ANKRD17: variants seen among roughly 807,000 people sequenced by gnomAD.
The protein encoded by ANKRD17 is ankyrin repeat domain 17.
Under a neutral mutation model 229.7 loss-of-function variants are expected in ANKRD17, and 19 were observed. The ratio of observed to expected loss-of-function variants is 0.08; its 90% CI spans 0.06 to 0.12. ANKRD17 has a LOEUF of 0.12. Ranked by LOEUF, ANKRD17 falls within the 10% of genes least tolerant of loss-of-function variation. The pLI, the probability that ANKRD17 is intolerant of heterozygous loss-of-function variation, is 1.00. For synonymous variants in ANKRD17, 1,112 were observed against 1,146.1 expected, an observed-to-expected ratio of 0.97 and a Z score of 0.60; for missense variants, 2,176 against 3,176.8, an observed-to-expected ratio of 0.68 and a Z score of 7.57.
intron 8 of ANKRD17, 55 bp downstream of exon 8, chr4:73,148,758 T>C (rs1730622753): frequency 3.4e-6 from 5 of 1,488,666 alleles, no homozygotes; most frequent in Admixed American, 1.8e-5. Flanking sequence ...TTTTATAAAA[T>C]TATACTCTTA....
At chr4:73,250,611 A>C (rs1433605754) in intron 1 of ANKRD17, among the ~76,000 whole-genome samples, 3 of 149,162 alleles carry the variant, frequency 2.0e-5, no homozygotes, top group African/African-American at 7.5e-5. Flanking sequence ...AAAAAAAAAA[A>C]AAAACAGAAA....
At chr4:73,099,861 T>C (rs1300612540) in intron 25 of ANKRD17, among the ~76,000 whole-genome samples, 3 of 152,112 alleles carry the variant, frequency 2.0e-5, no homozygotes, top group Non-Finnish European at 2.9e-5. Flanking sequence ...TGAGTACACA[T>C]TGCGGTGATG....
chr4:73,141,472 T>C (rs977325676), intron 14 of ANKRD17, among the ~76,000 whole-genome samples: 4 of 152,200 alleles, frequency 2.6e-5, no homozygotes, highest in Non-Finnish European at 4.4e-5. Context: ...ACATTTTACA[T>C]GAATAAAAAT....
chr4:73,163,812 A>T (rs1023050378), intron 2 of ANKRD17, among the ~76,000 whole-genome samples: 1 of 152,282 alleles, frequency 6.6e-6, no homozygotes, highest in East Asian at 1.9e-4. Context: ...TGCCGTCCTG[A>T]ATGATTTTTA....
At chr4:73,098,593 GA>G in intron 25 of ANKRD17, 73 bp from the exon 26 acceptor site, 1 of 1,404,632 alleles carries the variant, frequency 7.1e-7, no homozygotes, top group Admixed American at 2.2e-5. Flanking sequence ...AGCACTTGAA[GA>G]AAAGAAAAAC....
chr4:73,165,853 T>C (rs1560633955), intron 2 of ANKRD17, among the ~76,000 whole-genome samples: 1 of 151,840 alleles, frequency 6.6e-6, no homozygotes, highest in Non-Finnish European at 1.5e-5. Context: ...TGACAGCCCA[T>C]AAAAAAAATC....
intron 1 of ANKRD17, among the ~76,000 whole-genome samples, chr4:73,177,933 G>A (rs554047844): frequency 2.0e-5 from 3 of 152,040 alleles, no homozygotes; most frequent in African/African-American, 4.8e-5. Context: ...GAACTCCCAA[G>A]GACTTTATAT....
At chr4:73,083,523 C>G (rs929003104) in intron 30 of ANKRD17, among the ~76,000 whole-genome samples, 1 of 152,126 alleles carries the variant, frequency 6.6e-6, no homozygotes, top group Non-Finnish European at 1.5e-5. Context: ...TTTAACTTTT[C>G]TATGGGTCTG....
intron 1 of ANKRD17, among the ~76,000 whole-genome samples, chr4:73,252,154 T>TA (rs1269442226): frequency 2.6e-5 from 4 of 152,180 alleles, no homozygotes; most frequent in Non-Finnish European, 5.9e-5. Flanking sequence ...CTAGCAGAGA[T>TA]ACAAAGACTT....
chr4:73,225,810 C>T (rs1742401768), intron 1 of ANKRD17, among the ~76,000 whole-genome samples: 4 of 117,286 alleles, frequency 3.4e-5, no homozygotes, highest in South Asian at 6.2e-4. Flanking sequence ...TGCAGTGAGT[C>T]GAGATCACGC....
At chr4:73,178,520 C>T (rs1428803397) in intron 1 of ANKRD17, among the ~76,000 whole-genome samples, 1 of 151,616 alleles carries the variant, frequency 6.6e-6, no homozygotes, top group African/African-American at 2.4e-5. Flanking sequence ...GTGAAGAATA[C>T]AATCATATCA....
chr4:73,143,820 A>T (rs1729903690), intron 11 of ANKRD17, among the ~76,000 whole-genome samples: 1 of 152,172 alleles, frequency 6.6e-6, no homozygotes, highest in African/African-American at 2.4e-5. Context: ...AGCTCACTAT[A>T]ATCTTGAACT....
rs1424465119 is a variant in ANKRD17, at chr4:73,113,431, C to T, written c.4401+361G>A. The T allele has an allele frequency of 8.1e-6, 10 of 1,239,488 alleles. No individual in the cohort carries two copies. The East Asian group carries it at 4.4e-4, about 55-fold the overall frequency. The allele number at this position is 1,239,488 out of a possible 1,614,324, so 76.8% of individuals were successfully genotyped here. On this transcript the variant is annotated intron_variant, in intron 24 of 33. Coordinates refer to ENST00000358602, the MANE Select transcript of ANKRD17 (RefSeq NM_032217.5). Reference sequence around the variant, plus strand: ...TAGTGCATTTGGTACTTGTGATAAACCTGTTGGCAATAAATTACAAGGTCT... The same window carrying T: ...TAGTGCATTTGGTACTTGTGATAAATCTGTTGGCAATAAATTACAAGGTCT...
chr4:73,218,748 C>T (rs1426477750), intron 1 of ANKRD17, among the ~76,000 whole-genome samples: 1 of 151,982 alleles, frequency 6.6e-6, no homozygotes, highest in Non-Finnish European at 1.5e-5. Flanking sequence ...GGACTAACCT[C>T]ATTGAATTTC....
chr4:73,161,455 T>G, intron 2 of ANKRD17, 107 bp from the exon 3 acceptor site: 1 of 1,126,198 alleles, frequency 8.9e-7, no homozygotes. Flanking sequence ...AACCTCCAAA[T>G]GGTAGAGTAG....
In ANKRD17 at chr4:73,119,386, C is replaced by T. The variant is rs548510739; in HGVS notation, c.4026-536G>A. On this transcript the variant is annotated intron_variant, in intron 21 of 33. Transcript: ENST00000358602. ...TATTTGTATTCATATACAATTTGAC[C>T]ATCCCTAATCTGAAATCCAGTATCT... Among the ~76,000 whole-genome samples, 9 of 152,244 alleles carry T rather than the reference C, an allele frequency of 5.9e-5. No homozygotes were observed. The East Asian group carries it at 9.7e-4, about 16-fold the overall frequency.
chr4:73,174,093 AGAAGGAAGGAAGGAAGGAAGGAAGGAAG>A (rs71217453), intron 2 of ANKRD17, among the ~76,000 whole-genome samples: 4 of 111,200 alleles, frequency 3.6e-5, no homozygotes, highest in Admixed American at 9.1e-5. Flanking sequence ...AAGGGAGGGG[AGAAGGAAGGAAGGAAGGAAGGAAGGAAG>A]GAAGGAAGGA....
At chr4:73,209,014 T>C (rs923183625) in intron 1 of ANKRD17, among the ~76,000 whole-genome samples, 5 of 152,028 alleles carry the variant, frequency 3.3e-5, no homozygotes, top group Non-Finnish European at 5.9e-5. Context: ...GAAACCAGCA[T>C]GGTCAACATG....
intron 16 of ANKRD17, among the ~76,000 whole-genome samples, chr4:73,125,862 A>G (rs1037000886): frequency 2.0e-5 from 3 of 152,188 alleles, no homozygotes; most frequent in Non-Finnish European, 4.4e-5. Context: ...CAATCACGTG[A>G]TTGAAAGAAA....
Sources: gnomAD v4.1 joint callset for allele counts (sites outside exome capture counted in the v4.1 genomes callset) on GRCh38, gnomAD v4.1.1 for gene constraint, MANE v1.5 for transcripts, NCBI Gene and HGNC (gene_info 2026-07-23, HGNC 2026-07-21) for gene names.